The following FAM124B variants were observed in gnomAD, a reference collection of about 807,000 sequenced individuals.
FAM124B encodes family with sequence similarity 124 member B.
Under a neutral mutation model 19.7 loss-of-function variants are expected in FAM124B, and 18 were observed. The ratio of observed to expected loss-of-function variants is 0.92; its 90% CI spans 0.63 to 1.36. The LOEUF (loss-of-function observed/expected upper bound fraction) is 1.36, where lower values mean the gene tolerates loss of function less well. Among genes scored for constraint, FAM124B ranks in the 40% most tolerant of loss-of-function variants. The pLI, the probability that FAM124B is intolerant of heterozygous loss-of-function variation, is 0.00. For missense variants in FAM124B, 540 were observed against 553.3 expected (o/e 0.98, Z 0.24); for synonymous variants, 223 against 225.2 (o/e 0.99, Z 0.09).
chr2:224,382,343 A>G (rs1449825042), intron 1 of FAM124B, among the ~76,000 whole-genome samples: 1 of 152,022 alleles, frequency 6.6e-6, no homozygotes, highest in African/African-American at 2.4e-5. Flanking sequence ...AAAAATAGAA[A>G]ACTATTTTTA....
rs1377060027 is a variant in FAM124B, at chr2:224,401,128, T to G, written c.641A>C (p.Gln214Pro). Residue 214 changes from glutamine (Q) to proline (P), a missense_variant, in exon 1 of 2, where the codon CAG (glutamine) becomes CCG (proline). By Grantham distance (76) the Gln-to-Pro change is moderately conservative (BLOSUM62 -1). Coordinates refer to ENST00000409685, the MANE Select transcript of FAM124B (RefSeq NM_001122779.2). The part of the protein sequence containing the change: ...VLQFKVQEIG[Q>P]LVPLLPNPCM... ...TGGATTGGGTAGCAGAGGCACTAAC[T>G]GGCCGATCTCTTGAACCTTAAACTG... is the stretch of plus-strand genomic sequence containing the variant. The G allele has an allele frequency of 6.2e-7, 1 of 1,614,204 alleles. No homozygotes were observed. Among genetic ancestry groups the G allele is most frequent in the Admixed American group, 1.7e-5 (1 of 60,016 alleles).
Position 224,398,901 on chromosome 2 carries a change from C to T in FAM124B, c.732+2136G>A, listed in dbSNP as rs139256703. 4.8e-3 allele frequency among the ~76,000 whole-genome samples: 738 copies of T among 152,222 alleles called. 2 individuals carry two copies. Among genetic ancestry groups the T allele is most frequent in the African/African-American group, 0.015 (641 of 41,522 alleles). Reference sequence around the variant, plus strand: ...CTGAGGCACAAGAATTGCTTGAACCCGGGAGGCAGAGGTTGCAGTGAGCTG... The same window carrying T: ...CTGAGGCACAAGAATTGCTTGAACCTGGGAGGCAGAGGTTGCAGTGAGCTG... On this transcript the variant is annotated intron_variant, in intron 1 of 1. Transcript: ENST00000409685.
At chr2:224,390,173 CAGAG>C (rs1381410766) in intron 1 of FAM124B, among the ~76,000 whole-genome samples, 1 of 139,682 alleles carries the variant, frequency 7.2e-6, no homozygotes, top group Non-Finnish European at 1.5e-5. Flanking sequence ...AAGGAATAGT[CAGAG>C]AGAATGAACC....
intron 1 of FAM124B, among the ~76,000 whole-genome samples, chr2:224,396,793 G>A (rs528061463): frequency 1.2e-4 from 19 of 152,290 alleles, no homozygotes; most frequent in East Asian, 9.7e-4. Flanking sequence ...ATTTTGTTGC[G>A]CCATGGTGGG....
At chr2:224,389,536 G>C (rs1232067518) in intron 1 of FAM124B, among the ~76,000 whole-genome samples, 1 of 152,040 alleles carries the variant, frequency 6.6e-6, no homozygotes, top group African/African-American at 2.4e-5. Context: ...TGGATGTGGG[G>C]GTTCTGAGAA....
intron 1 of FAM124B, among the ~76,000 whole-genome samples, chr2:224,382,178 G>A (rs1044331660): frequency 2.0e-5 from 3 of 152,148 alleles, no homozygotes; most frequent in Non-Finnish European, 2.9e-5. Context: ...AGGGTTTGCC[G>A]GCCATATGGT....
Position 224,379,831 on chromosome 2 carries a change from TATG to T in FAM124B, c.1107_1109del (p.Ile370del). 6.4e-7 allele frequency: 1 copy of T among 1,551,960 alleles called. No homozygotes were observed. Among genetic ancestry groups the T allele is most frequent in the Non-Finnish European group, 8.7e-7 (1 of 1,147,042 alleles). On this transcript the variant is annotated inframe_deletion, in exon 2 of 2. Coordinates refer to ENST00000409685, the MANE Select transcript of FAM124B (RefSeq NM_001122779.2). ...AATAAGTCTGCCTGGGTTCAGAATTTATGATGGTCAAGCCGGTGTCAACATTCG... is the reference window on the plus strand; with the variant it reads ...AATAAGTCTGCCTGGGTTCAGAATTTATGGTCAAGCCGGTGTCAACATTCG...
At chr2:224,386,875 A>G (rs1689807756) in intron 1 of FAM124B, among the ~76,000 whole-genome samples, 1 of 152,218 alleles carries the variant, frequency 6.6e-6, no homozygotes, top group South Asian at 2.1e-4. Context: ...CTAGGCCCCA[A>G]ATTATTTTAC....
chr2:224,390,574 C>T (rs921299635), intron 1 of FAM124B, among the ~76,000 whole-genome samples: 67 of 151,996 alleles, frequency 4.4e-4, no homozygotes, highest in African/African-American at 1.6e-3. Context: ...ACAGCAAGGC[C>T]CACAGAGAAG....
chr2:224,382,141 G>A (rs1574570219), intron 1 of FAM124B, among the ~76,000 whole-genome samples: 1 of 152,106 alleles, frequency 6.6e-6, no homozygotes, highest in African/African-American at 2.4e-5. Context: ...AAATATTTTC[G>A]GCAAGGAGCC....
At chr2:224,384,466 T>C (rs1689771294) in intron 1 of FAM124B, among the ~76,000 whole-genome samples, 1 of 152,228 alleles carries the variant, frequency 6.6e-6, no homozygotes, top group African/African-American at 2.4e-5. Context: ...TTCATCCATC[T>C]ACCTGCCCAC....
At chr2:224,393,402 A>G (rs898800771) in intron 1 of FAM124B, among the ~76,000 whole-genome samples, 1 of 152,200 alleles carries the variant, frequency 6.6e-6, no homozygotes, top group African/African-American at 2.4e-5. Context: ...TGTCCTGCCC[A>G]GGTTGCAAGA....
intron 1 of FAM124B, among the ~76,000 whole-genome samples, chr2:224,381,408 A>T (rs1689714186): frequency 6.6e-6 from 1 of 152,134 alleles, no homozygotes; most frequent in Non-Finnish European, 1.5e-5. Flanking sequence ...TTGAGTTATG[A>T]CTGCACCACT....
intron 1 of FAM124B, among the ~76,000 whole-genome samples, chr2:224,380,633 T>A (rs897857447): frequency 3.9e-5 from 6 of 152,198 alleles, no homozygotes; most frequent in Non-Finnish European, 7.3e-5. Flanking sequence ...AGATAAGGAT[T>A]GAAGTAAGAA....
chr2:224,399,861 T>C (rs1690033639), intron 1 of FAM124B: 1 of 152,198 alleles, frequency 6.6e-6, no homozygotes, highest in Non-Finnish European at 1.5e-5. Context: ...ACTTTATAAG[T>C]GTCAGGTCAT....
At position 224,380,149 on chromosome 2, in the gene FAM124B, G is replaced by T. The variant is rs1689692318; in HGVS notation, c.792C>A (p.Pro264=). ...KNGILGAGML[P]LGSRLTSVSA... is the part of the protein sequence containing the mutation. Reference sequence around the variant, plus strand: ...AGACAGAAGTCAGCCTGGAGCCCAGGGGAAGCATGCCAGCTCCCAAGATGC... The same window carrying T: ...AGACAGAAGTCAGCCTGGAGCCCAGTGGAAGCATGCCAGCTCCCAAGATGC... The change falls in exon 2 of 2, where the codon CCC becomes CCA. Residue 264 remains proline, a synonymous_variant. Coordinates refer to ENST00000409685, the MANE Select transcript of FAM124B (RefSeq NM_001122779.2). The T allele has an allele frequency of 6.4e-7, 1 of 1,551,458 alleles. No homozygotes were observed. The highest frequency in any genetic ancestry group is 8.7e-7 in the Non-Finnish European group (1 of 1,146,926).
intron 1 of FAM124B, among the ~76,000 whole-genome samples, chr2:224,396,977 C>T (rs1390917986): frequency 6.6e-6 from 1 of 152,330 alleles, no homozygotes; most frequent in African/African-American, 2.4e-5. Flanking sequence ...AGAAGCCAGA[C>T]TCGCTACCCA....
chr2:224,397,406 C>G (rs1226496759), intron 1 of FAM124B, among the ~76,000 whole-genome samples: 3 of 152,146 alleles, frequency 2.0e-5, no homozygotes, highest in Non-Finnish European at 4.4e-5. Flanking sequence ...TGCCCAGTCT[C>G]GGGTATGTCT....
chr2:224,389,021 C>A (rs1689840879), intron 1 of FAM124B, among the ~76,000 whole-genome samples: 1 of 152,220 alleles, frequency 6.6e-6, no homozygotes, highest in African/African-American at 2.4e-5. Context: ...CAGCCTCCAC[C>A]TCCCAGGCTC....
Sources: gnomAD v4.1 joint callset for allele counts (sites outside exome capture counted in the v4.1 genomes callset) on GRCh38, gnomAD v4.1.1 for gene constraint, MANE v1.5 for transcripts, NCBI Gene and HGNC (gene_info 2026-07-23, HGNC 2026-07-21) for gene names.